PSMB4: variants seen among roughly 807,000 people sequenced by gnomAD.
PSMB4 encodes proteasome subunit beta type-4.
In PSMB4, 16 loss-of-function variants were observed where a neutral mutation model predicts 35.2. That is an observed-to-expected ratio of 0.45 (90% CI 0.31 to 0.69). PSMB4 has a LOEUF of 0.69. PSMB4 is among the 30% of genes least tolerant of loss of function. The pLI is 0.06. For synonymous variants in PSMB4, 144 were observed against 134.1 expected, an observed-to-expected ratio of 1.07 and a Z score of -0.51; for missense variants, 333 against 351.8, an observed-to-expected ratio of 0.95 and a Z score of 0.43.
Position 151,401,881 on chromosome 1 carries a change from T to C in PSMB4, c.*52T>C. On this transcript the variant is annotated 3_prime_UTR_variant, in exon 7 of 7. Coordinates refer to ENST00000290541, the MANE Select transcript of PSMB4 (RefSeq NM_002796.3). ...AGTTGCCCTACTTTTAACTTTGAAC[T>C]TGGCTAGTTCAAAGATAGACTCTTC... 3.2e-6 allele frequency: 5 copies of C among 1,540,460 alleles called. No individual in the cohort carries two copies. Among genetic ancestry groups the C allele is most frequent in the Non-Finnish European group, 4.5e-6 (5 of 1,114,572 alleles).
intron 2 of PSMB4, 54 bp downstream of exon 2, chr1:151,400,241 T>C (rs1445036909): frequency 6.4e-7 from 1 of 1,571,224 alleles, no homozygotes; most frequent in Non-Finnish European, 8.8e-7. Context: ...GGGAGTCCCC[T>C]GTTTTTTATT....
At position 151,400,802 on chromosome 1, in the gene PSMB4, A is replaced by ATCAT. The variant is rs763305194; in HGVS notation, c.533_534insTCAT (p.Glu178AspfsTer67). 1 of 1,614,172 alleles carries ATCAT rather than the reference A, an allele frequency of 6.2e-7. No individual in the cohort carries two copies. The highest frequency in any genetic ancestry group is 8.5e-7 in the Non-Finnish European group (1 of 1,180,030). ...GTGGACATGCTTGGTGTAGCCTATG[A>ATCAT]AGCCCCTTCGCTGGCCACTGGTTAT... On this transcript the variant is annotated frameshift_variant, in exon 4 of 7. Coordinates refer to ENST00000290541, the MANE Select transcript of PSMB4 (RefSeq NM_002796.3). LOFTEE classifies it high-confidence loss of function.
At chr1:151,400,629 A>G (rs533890009) in intron 3 of PSMB4, 41 bp downstream of exon 3, 6 of 1,613,732 alleles carry the variant, frequency 3.7e-6, no homozygotes, top group East Asian at 4.5e-5. Context: ...TTACCACCCA[A>G]CCTAGTACCT....
intron 6 of PSMB4, 89 bp downstream of exon 6, chr1:151,401,719 A>AT (rs1311342892): frequency 1.4e-5 from 21 of 1,549,744 alleles, no homozygotes; most frequent in Middle Eastern, 1.7e-4. Context: ...ACCCAGGAAA[A>AT]TTTTCTGGGT....
intron 6 of PSMB4, 47 bp from the exon 7 acceptor site, chr1:151,401,770 G>T: frequency 1.9e-6 from 3 of 1,589,978 alleles, no homozygotes; most frequent in East Asian, 4.5e-5. Flanking sequence ...TTTAGGAATT[G>T]ATCCCTTTAT....
At chr1:151,399,922 G>T in intron 1 of PSMB4, 59 bp from the exon 2 acceptor site, 4 of 1,562,990 alleles carry the variant, frequency 2.6e-6, no homozygotes, top group Non-Finnish European at 3.5e-6. Context: ...GCAGCTCAGT[G>T]CGCGGAAAGA....
In PSMB4 at chr1:151,401,218, G is replaced by C. The variant is rs200970854; in HGVS notation, c.577-21G>C. 119 of 1,600,288 alleles carry C rather than the reference G, an allele frequency of 7.4e-5. No homozygotes were observed. In the Admixed American group the frequency reaches 2.0e-3, roughly 26 times the overall value. On this transcript the variant is annotated intron_variant, in intron 4 of 6. Coordinates refer to ENST00000290541, the MANE Select transcript of PSMB4 (RefSeq NM_002796.3). ...TTATTCAGCCCAATATCCCCCCATG[G>C]TTTTCCCCCAATCTCCCTAGCCTCT...
At chr1:151,401,484 G>A in intron 5 of PSMB4, 58 bp from the exon 6 acceptor site, 2 of 1,532,202 alleles carry the variant, frequency 1.3e-6, no homozygotes, top group East Asian at 4.5e-5. Flanking sequence ...ACCTCCACCT[G>A]ACCTTTCATT....
In PSMB4 at chr1:151,399,614, C is replaced by A; in HGVS notation, c.27C>A (p.Ser9=). The part of the protein sequence containing the change: MEAFLGSR[S]GLWAGGPAPG... ...TGGAAGCGTTTTTGGGGTCGCGGTC[C>A]GGACTTTGGGCGGGGGGTCCGGCCC... The change falls in exon 1 of 7, where the codon TCC becomes TCA. Residue 9 remains serine, a synonymous_variant. Transcript: ENST00000290541. 6.2e-7 allele frequency: 1 copy of A among 1,613,660 alleles called. No individual in the cohort carries two copies. Among genetic ancestry groups the A allele is most frequent in the Non-Finnish European group, 8.5e-7 (1 of 1,179,858 alleles).
At chr1:151,401,119 TG>T in intron 4 of PSMB4, 119 bp from the exon 5 acceptor site, 1 of 927,914 alleles carries the variant, frequency 1.1e-6, no homozygotes, top group Non-Finnish European at 1.7e-6. Context: ...GAGTTCATTC[TG>T]GTGAGGCAAG....
chr1:151,399,625 CG>C lies in PSMB4; in HGVS notation c.44del (p.Gly15ValfsTer37). ...TTGGGGTCGCGGTCCGGACTTTGGG[CG>C]GGGGGTCCGGCCCCAGGACAGTTTT... Reference protein sequence around the residue: ...AFLGSRSGLWAGGPAPGQFYR... With the variant: ...AFLGSRSGLWXGGPAPGQFYR... On this transcript the variant is annotated frameshift_variant, in exon 1 of 7. Transcript: ENST00000290541. LOFTEE classifies it high-confidence loss of function. The C allele has an allele frequency of 6.2e-7, 1 of 1,613,658 alleles. No individual in the cohort carries two copies.
intron 1 of PSMB4, 105 bp from the exon 2 acceptor site, chr1:151,399,876 C>T: frequency 6.5e-7 from 1 of 1,543,896 alleles, no homozygotes; most frequent in Non-Finnish European, 8.9e-7. Flanking sequence ...CTGGAGAATG[C>T]AGAATAATTG....
intron 6 of PSMB4, 44 bp downstream of exon 6, chr1:151,401,674 T>C (rs562060262): frequency 1.3e-6 from 2 of 1,552,904 alleles, no homozygotes; most frequent in African/African-American, 2.8e-5. Flanking sequence ...GGGAGGTCTT[T>C]GGCTTACACT....
intron 2 of PSMB4, 109 bp downstream of exon 2, chr1:151,400,296 G>C (rs1206662031): frequency 6.9e-6 from 10 of 1,450,846 alleles, no homozygotes; most frequent in Non-Finnish European, 9.6e-6. Context: ...GGGACTGGAA[G>C]AGTTGTTGGA....
In PSMB4 at chr1:151,400,849, A is replaced by C. The variant is rs1311205255; in HGVS notation, c.576+4A>C. Reference sequence around the variant, plus strand: ...TTATGGTGCATACTTGGCTCAGGTAAGTAGTAAGTCTAGAGGTGGGGGAAA... The same window carrying C: ...TTATGGTGCATACTTGGCTCAGGTACGTAGTAAGTCTAGAGGTGGGGGAAA... On this transcript the variant is annotated splice_donor_region_variant and intron_variant, in intron 4 of 6. Transcript: ENST00000290541. The C allele has an allele frequency of 6.2e-7, 1 of 1,612,500 alleles. No homozygotes were observed. Among genetic ancestry groups the C allele is most frequent in the East Asian group, 2.2e-5 (1 of 44,874 alleles).
Position 151,401,342 on chromosome 1 carries a change from G to C in PSMB4, c.680G>C (p.Arg227Pro), listed in dbSNP as rs753602543. ...CMRVLYYRDA[R>P]SYNRFQIATV... Reference sequence around the variant, plus strand: ...CGAGTGCTGTACTACCGAGATGCCCGTTCTTACAACCGGGTGAGGGATGTG... The same window carrying C: ...CGAGTGCTGTACTACCGAGATGCCCCTTCTTACAACCGGGTGAGGGATGTG... The change falls in exon 5 of 7, where the codon CGT becomes CCT. Residue 227 changes from arginine to proline, a missense_variant. Transcript: ENST00000290541. 2.5e-6 allele frequency: 4 copies of C among 1,613,944 alleles called. No homozygotes were observed. The highest frequency in any genetic ancestry group is 1.1e-5 in the South Asian group (1 of 91,080).
chr1:151,401,655 G>T, intron 6 of PSMB4, 25 bp downstream of exon 6: 1 of 1,578,102 alleles, frequency 6.3e-7, no homozygotes, highest in South Asian at 1.1e-5. Context: ...AAAAATTGGT[G>T]ACAGACTTGG....
chr1:151,401,484 G>C (rs2102123391), intron 5 of PSMB4, 58 bp from the exon 6 acceptor site: 2 of 1,532,202 alleles, frequency 1.3e-6, no homozygotes, highest in Non-Finnish European at 9.0e-7. Flanking sequence ...ACCTCCACCT[G>C]ACCTTTCATT....
In PSMB4 at chr1:151,400,294, A is replaced by T. The variant is rs2495390; in HGVS notation, c.347+107A>T. 6.9e-7 allele frequency: 1 copy of T among 1,449,880 alleles called. No homozygotes were observed. The highest frequency in any genetic ancestry group is 1.2e-5 in the South Asian group (1 of 84,452). 89.8% of individuals were successfully genotyped at this position (1,449,880 alleles called of 1,614,324 possible). A position where few individuals can be genotyped will look rare whatever the true frequency, so the allele number is the denominator to read the frequency against. On this transcript the variant is annotated intron_variant, in intron 2 of 6. Coordinates refer to ENST00000290541, the MANE Select transcript of PSMB4 (RefSeq NM_002796.3). The stretch of plus-strand genomic sequence containing the variant: ...GGGACTTGTTGCAGCGGGGGACTGG[A>T]AGAGTTGTTGGAGGTGGGCGATCTG...
Sources: gnomAD v4.1 joint callset for allele counts on GRCh38, gnomAD v4.1.1 for gene constraint, MANE v1.5 for transcripts, NCBI Gene and HGNC (gene_info 2026-07-23, HGNC 2026-07-21) for gene names.